The following EMC3 variants were observed in gnomAD, a reference collection of about 807,000 sequenced individuals.
The protein encoded by EMC3 is ER membrane protein complex subunit 3.
A neutral mutation model predicts 36.6 loss-of-function variants in EMC3; 13 were observed. The observed-to-expected ratio is 0.35, with a 90% CI of 0.23 to 0.56. The LOEUF (loss-of-function observed/expected upper bound fraction) is 0.56, where lower values mean the gene tolerates loss of function less well. Ranked by LOEUF, EMC3 falls within the 20% of genes least tolerant of loss-of-function variation. The pLI is 0.84. For synonymous variants in EMC3, 120 were observed against 111.9 expected, an observed-to-expected ratio of 1.07 and a Z score of -0.46; for missense variants, 220 against 324.5, an observed-to-expected ratio of 0.68 and a Z score of 2.47.
At position 9,964,323 on chromosome 3, in the gene EMC3, T is replaced by A. The variant is rs927822935; in HGVS notation, c.658-126A>T. The A allele has an allele frequency of 2.8e-6, 4 of 1,425,758 alleles. No individual in the cohort carries two copies. In the Admixed American group the frequency reaches 1.1e-4, roughly 39 times the overall value. 88.3% of individuals were successfully genotyped at this position (1,425,758 alleles called of 1,614,324 possible). On this transcript the variant is annotated intron_variant, in intron 7 of 7. Transcript: ENST00000245046. ...GAGCTATCTGCATGTATAAGCTCAT[T>A]CAATCCTACAAGGGAAATGCTGCTA...
chr3:10,002,884 G>A (rs1049873474), intron 1 of EMC3: 1 of 455,940 alleles, frequency 2.2e-6, no homozygotes, highest in African/African-American at 2.0e-5. Context: ...CCCCCAGCAT[G>A]ACCCCATGGC....
intron 1 of EMC3, chr3:10,004,047 A>G (rs1471775198): frequency 6.6e-6 from 1 of 152,156 alleles, no homozygotes; most frequent in Non-Finnish European, 1.5e-5. Flanking sequence ...AGGGCTACCA[A>G]TGTGCCACCA....
chr3:9,995,800 G>A (rs2086116405), intron 1 of EMC3, among the ~76,000 whole-genome samples: 1 of 151,760 alleles, frequency 6.6e-6, no homozygotes, highest in Non-Finnish European at 1.5e-5. Context: ...ACCACAATCG[G>A]CTGATTTTTG....
At chr3:10,007,193 A>T (rs1370095454) in intron 1 of EMC3, 1 of 786,384 alleles carries the variant, frequency 1.3e-6, no homozygotes, top group Non-Finnish European at 1.7e-6. Flanking sequence ...ACCCACAGCA[A>T]ATCATTAGTA....
chr3:10,005,482 A>G (rs1017786435), intron 1 of EMC3, among the ~76,000 whole-genome samples: 1 of 152,234 alleles, frequency 6.6e-6, no homozygotes, highest in Non-Finnish European at 1.5e-5. Flanking sequence ...TCAGGAATAC[A>G]GTAGGTAGAA....
At chr3:9,973,076 C>T (rs1361852734) in intron 5 of EMC3, among the ~76,000 whole-genome samples, 3 of 151,580 alleles carry the variant, frequency 2.0e-5, no homozygotes, top group East Asian at 2.0e-4. Flanking sequence ...CCGCCCGCCT[C>T]GGCCTCCCAA....
At chr3:9,977,194 C>A in intron 2 of EMC3, 144 bp from the exon 3 acceptor site, 1 of 859,564 alleles carries the variant, frequency 1.2e-6, no homozygotes, top group Non-Finnish European at 1.8e-6. Context: ...GGCGACCTGA[C>A]ACTTTAGCTG....
chr3:10,001,038 G>C, intron 1 of EMC3: 1 of 236,726 alleles, frequency 4.2e-6, no homozygotes, highest in Non-Finnish European at 8.8e-6. Context: ...GTTGTTGCTT[G>C]TCCTTTTGGT....
At chr3:10,007,727 G>T in intron 1 of EMC3, 2 of 1,171,106 alleles carry the variant, frequency 1.7e-6, no homozygotes, top group East Asian at 4.8e-5. Context: ...TGTGGGTGCA[G>T]ATGCCCATCA....
At chr3:9,987,749 G>A (rs981862876), upstream of EMC3, 20 of 450,800 alleles carry the variant, frequency 4.4e-5, no homozygotes, top group Middle Eastern at 6.5e-4. Context: ...CTACGACATT[G>A]CATTTAGCTA....
intron 1 of EMC3, chr3:10,008,404 C>T (rs200165997): frequency 3.1e-5 from 43 of 1,367,508 alleles, no homozygotes; most frequent in Non-Finnish European, 4.1e-5. Flanking sequence ...AAGTGTCTAC[C>T]TGGGCCGGCA....
chr3:10,000,100 C>T (rs139532338), intron 1 of EMC3, among the ~76,000 whole-genome samples: 1 of 151,886 alleles, frequency 6.6e-6, no homozygotes, highest in Non-Finnish European at 1.5e-5. Context: ...TGCAGTGGCG[C>T]GATCTTGGTT....
intron 1 of EMC3, among the ~76,000 whole-genome samples, chr3:10,000,467 TC>T (rs1420124336): frequency 6.6e-6 from 1 of 152,210 alleles, no homozygotes; most frequent in Non-Finnish European, 1.5e-5. Flanking sequence ...CTATTAAAAT[TC>T]AAAAACTGAA....
At chr3:10,006,247 C>T (rs1051503457) in intron 1 of EMC3, among the ~76,000 whole-genome samples, 1 of 152,210 alleles carries the variant, frequency 6.6e-6, no homozygotes, top group African/African-American at 2.4e-5. Context: ...TCAGCCTGCT[C>T]GGCAAGAAGC....
At chr3:10,003,662 GA>G (rs1206935464) in intron 1 of EMC3, 3 of 200,552 alleles carry the variant, frequency 1.5e-5, no homozygotes, top group African/African-American at 2.3e-5. Flanking sequence ...TCACTCTCCA[GA>G]GAGTGATAAG....
At chr3:9,968,748 G>A (rs1172011832) in intron 7 of EMC3, 1 of 151,856 alleles carries the variant, frequency 6.6e-6, no homozygotes, top group Non-Finnish European at 1.5e-5. Flanking sequence ...AGGTTCCAGT[G>A]ATTCTCCTGC....
chr3:10,008,200 A>G, intron 1 of EMC3: 1 of 363,284 alleles, frequency 2.8e-6, no homozygotes, highest in South Asian at 2.2e-5. Flanking sequence ...GTGAGAGGGC[A>G]CATTCCCCAG....
At chr3:9,994,230 A>C in intron 1 of EMC3, 1 of 1,569,672 alleles carries the variant, frequency 6.4e-7, no homozygotes, top group African/African-American at 1.4e-5. Flanking sequence ...GCTGGCTCAG[A>C]GTTTGCTTCA....
intron 1 of EMC3, chr3:9,994,388 T>A (rs2086097295): frequency 3.4e-6 from 2 of 596,024 alleles, no homozygotes; most frequent in South Asian, 3.2e-5. Context: ...TAATGCTTAT[T>A]TTTTGTTGGT....
Sources: gnomAD v4.1 joint callset for allele counts (sites outside exome capture counted in the v4.1 genomes callset) on GRCh38, gnomAD v4.1.1 for gene constraint, MANE v1.5 for transcripts, NCBI Gene and HGNC (gene_info 2026-07-23, HGNC 2026-07-21) for gene names.